POU3F3: variants seen among roughly 807,000 people sequenced by gnomAD.
The protein encoded by POU3F3 is POU class 3 homeobox 3.
Under a neutral mutation model 8.6 loss-of-function variants are expected in POU3F3, and 1 was observed. The observed-to-expected ratio is 0.12, with a 90% confidence interval of 0.04 to 0.55. POU3F3 has a LOEUF of 0.55. Ranked by LOEUF, POU3F3 falls within the 20% of genes least tolerant of loss-of-function variation. The probability of loss-of-function intolerance (pLI) is 0.91; values close to 1 mark genes in which losing one functional copy is unlikely to be tolerated. For synonymous variants in POU3F3, 418 were observed against 327.4 expected (o/e 1.28, Z -2.99); for missense variants, 577 against 690.7 (o/e 0.84, Z 1.84).
chr2:104,901,552 C>A, the POU3F3 span, among the ~76,000 whole-genome samples: 1 of 152,178 alleles, frequency 6.6e-6, no homozygotes, highest in Non-Finnish European at 1.5e-5. Flanking sequence ...GCCCTAGTGT[C>A]CTTCTAGGTA....
the POU3F3 span, among the ~76,000 whole-genome samples, chr2:104,913,072 T>C: frequency 2.0e-5 from 3 of 152,180 alleles, no homozygotes; most frequent in African/African-American, 7.2e-5. Context: ...GGCCACGGGA[T>C]TGCAAACCAC....
the POU3F3 span, among the ~76,000 whole-genome samples, chr2:104,925,796 A>T: frequency 6.6e-6 from 1 of 152,144 alleles, no homozygotes; most frequent in Admixed American, 6.5e-5. Context: ...TAGCCCAGCC[A>T]TAAAGAACTT....
the POU3F3 span, among the ~76,000 whole-genome samples, chr2:104,923,557 A>AT: frequency 4.9e-4 from 74 of 152,290 alleles, 1 homozygote; most frequent in Non-Finnish European, 6.9e-4. Flanking sequence ...TGAGAAGGGA[A>AT]TTTAAACATT....
the POU3F3 span, among the ~76,000 whole-genome samples, chr2:104,874,271 G>A: frequency 1.3e-5 from 2 of 152,204 alleles, no homozygotes; most frequent in Admixed American, 6.5e-5. Context: ...GACCTCTGGA[G>A]AGGACAAAGG....
At chr2:104,878,882 C>T in the POU3F3 span, among the ~76,000 whole-genome samples, 1 of 152,024 alleles carries the variant, frequency 6.6e-6, no homozygotes. Context: ...CAACCCAGCA[C>T]ACAAATGCAA....
the POU3F3 span, among the ~76,000 whole-genome samples, chr2:104,917,292 C>T: frequency 1.3e-5 from 2 of 152,306 alleles, no homozygotes; most frequent in East Asian, 3.9e-4. Flanking sequence ...CTATGGGTTT[C>T]GTTTCTTTGG....
At chr2:104,889,461 T>C in the POU3F3 span, among the ~76,000 whole-genome samples, 6 of 152,188 alleles carry the variant, frequency 3.9e-5, no homozygotes, top group African/African-American at 1.2e-4. Context: ...TTCCTCCCAG[T>C]GTGCAGGTCG....
chr2:104,886,173 C>A, the POU3F3 span, among the ~76,000 whole-genome samples: 159 of 152,236 alleles, frequency 1.0e-3, no homozygotes, highest in African/African-American at 3.7e-3. Flanking sequence ...TGCACGATGT[C>A]CAAGAACCCT....
chr2:104,881,121 ACTTTCTTTCTTT>A, the POU3F3 span, among the ~76,000 whole-genome samples: 12 of 142,064 alleles, frequency 8.4e-5, no homozygotes, highest in Non-Finnish European at 1.5e-4. Flanking sequence ...TTTATTTCTT[ACTTTCTTTCTTT>A]CTTTCTTTCT....
chr2:104,918,235 G>A, the POU3F3 span, among the ~76,000 whole-genome samples: 1 of 152,158 alleles, frequency 6.6e-6, no homozygotes, highest in Non-Finnish European at 1.5e-5. Context: ...TTTCAATTTG[G>A]AATTCCCTCC....
At chr2:104,915,780 G>A in the POU3F3 span, among the ~76,000 whole-genome samples, 41 of 152,038 alleles carry the variant, frequency 2.7e-4, no homozygotes, top group Non-Finnish European at 4.7e-4. Context: ...GACACGTTTC[G>A]AGAATGATAC....
Position 104,854,982 on chromosome 2 carries a change from G to T in POU3F3, c.-529G>T, listed in dbSNP as rs527425540. Among the ~76,000 whole-genome samples, 23 of 152,326 alleles carry T rather than the reference G, an allele frequency of 1.5e-4. No individual in the cohort carries two copies. Among genetic ancestry groups the T allele is most frequent in the Admixed American group, 6.5e-4 (10 of 15,310 alleles). On this transcript the variant is annotated 5_prime_UTR_variant, in exon 1 of 1. Coordinates refer to ENST00000361360, the MANE Select transcript of POU3F3 (RefSeq NM_006236.3). This position sits in a 1 kb window ranked among gnomAD's most constrained non-coding sequence, Gnocchi z 4.5. ...GAAACCTTCACTTAGCAGGTGGACG[G>T]AGCCCCGCGACCGGGCAGAGTCCGG...
the POU3F3 span, among the ~76,000 whole-genome samples, chr2:104,905,609 A>C: frequency 2.0e-5 from 3 of 152,236 alleles, no homozygotes; most frequent in African/African-American, 7.2e-5. Context: ...AGGTGTCGGC[A>C]GGGTCATGCC....
the POU3F3 span, chr2:104,866,635 C>A: frequency 6.6e-6 from 1 of 152,162 alleles, no homozygotes; most frequent in Non-Finnish European, 1.5e-5. Context: ...GGGAGAAGTG[C>A]ACTCACTTGA....
chr2:104,856,229 C>A lies in POU3F3; in HGVS notation c.719C>A (p.Pro240His). The A allele has an allele frequency of 7.9e-7, 1 of 1,270,462 alleles. No homozygotes were observed. Among genetic ancestry groups the A allele is most frequent in the Non-Finnish European group, 9.8e-7 (1 of 1,017,192 alleles). 78.7% of individuals were successfully genotyped at this position (1,270,462 alleles called of 1,614,324 possible). A position where few individuals can be genotyped will look rare whatever the true frequency, so the allele number is the denominator to read the frequency against. Residue 240 changes from proline to histidine, a missense_variant, in exon 1 of 1, where the codon CCC (proline) becomes CAC (histidine). Around this residue, in one of 7 missense-constraint regions of POU3F3, gnomAD observed 484 missense variants for 422.6 expected, o/e 1.15. Coordinates refer to ENST00000361360, the MANE Select transcript of POU3F3 (RefSeq NM_006236.3). ...GGCATGCTGAGCGCGCCACCGGGGC[C>A]CGGCGGCGGCGGCGGCGGCGCGGGC... ...VNGMLSAPPGPGGGGGGAGGG... is the reference protein window; with the variant it reads ...VNGMLSAPPGHGGGGGGAGGG...
At chr2:104,921,557 T>C in the POU3F3 span, among the ~76,000 whole-genome samples, 1 of 152,148 alleles carries the variant, frequency 6.6e-6, no homozygotes, top group Admixed American at 6.5e-5. Flanking sequence ...GCCAGCAGCA[T>C]CAAAGATCCA....
the POU3F3 span, chr2:104,865,487 T>A: frequency 6.6e-6 from 1 of 152,210 alleles, no homozygotes; most frequent in Admixed American, 6.5e-5. Context: ...TTTTAAATTT[T>A]TTTTCTTTTA....
chr2:104,911,082 A>C, the POU3F3 span, among the ~76,000 whole-genome samples: 1 of 152,048 alleles, frequency 6.6e-6, no homozygotes, highest in Non-Finnish European at 1.5e-5. Flanking sequence ...CCTGGACCCA[A>C]ATGCCCATAG....
At chr2:104,905,004 G>A in the POU3F3 span, among the ~76,000 whole-genome samples, 462 of 152,202 alleles carry the variant, frequency 3.0e-3, no homozygotes, top group Non-Finnish European at 4.9e-3. Flanking sequence ...CCTAAGACCT[G>A]GTATCAACCC....
Sources: gnomAD v4.1 joint callset for allele counts (sites outside exome capture counted in the v4.1 genomes callset) on GRCh38, gnomAD v4.1.1 for gene constraint, gnomAD v4.1.1 regional missense constraint, Gnocchi (gnomAD v3.1) non-coding constraint, MANE v1.5 for transcripts, NCBI Gene and HGNC (gene_info 2026-07-23, HGNC 2026-07-21) for gene names.